Variants in POLE observed in about 807,000 individuals in gnomAD.
POLE encodes the protein DNA polymerase epsilon catalytic subunit A.
Under a neutral mutation model 279.2 loss-of-function variants are expected in POLE, and 188 were observed. The ratio of observed to expected loss-of-function variants is 0.67; its 90% CI spans 0.60 to 0.76. The LOEUF is 0.76. Ranked by LOEUF, POLE falls within the 30% of genes least tolerant of loss-of-function variation. The pLI is 0.00. For missense variants in POLE, 2,703 were observed against 3,016.7 expected (o/e 0.90, Z 2.44); for synonymous variants, 1,214 against 1,172.5 (o/e 1.04, Z -0.72).
rs1487447963 is a variant in POLE at position 132,632,370 on chromosome 12, C to A, written c.6275G>T (p.Gly2092Val). Residue 2092 changes from glycine (G) to valine (V), a missense_variant, in exon 45 of 49, where the codon GGT (glycine) becomes GTT (valine). Coordinates refer to ENST00000320574, the MANE Select transcript of POLE (RefSeq NM_006231.4). ...ELSEMFPVLPGSHLLLNNPAL... is the reference protein window; with the variant it reads ...ELSEMFPVLPVSHLLLNNPAL... ...AGGGTTATTGAGCAGCAAGTGGGAA[C>A]CGGGGAGGACAGGAAACATCTCTGA... 1.2e-6 allele frequency: 2 copies of A among 1,614,188 alleles called. No homozygotes were observed. Among genetic ancestry groups the A allele is most frequent in the South Asian group, 1.1e-5 (1 of 91,086 alleles).
In POLE at chr12:132,626,354, C is replaced by A. The variant is rs539858706; in HGVS notation, c.6331-37G>T. 12 of 1,597,858 alleles carry A rather than the reference C, an allele frequency of 7.5e-6. No homozygotes were observed. The South Asian group carries it at 1.3e-4, about 18-fold the overall frequency. On this transcript the variant is annotated intron_variant, in intron 45 of 48. Transcript: ENST00000320574. ...ACAGCCCACATCGGGAAGGAGCTCC[C>A]GGGGCCTCCCTGCTGCTCTGTCTGG...
Position 132,632,449 on chromosome 12 carries a change from T to G in POLE, c.6196A>C (p.Ile2066Leu). ...ACTTTCTTCTGAATCTTCTGAGTGA[T>G]GGTGAAGAAGCTCTGAGTGAGCTCA... ...ANELTQSFFT[I>L]TQKIQKKVTG... The change falls in exon 45 of 49, where the codon ATC (isoleucine) becomes CTC (leucine). Residue 2066 changes from isoleucine to leucine, a missense_variant. By Grantham distance (5) the Ile-to-Leu change is conservative. This residue lies in a region of POLE where 1,551 missense variants were observed against 1,686.1 expected (regional missense o/e 0.92). Transcript: ENST00000320574. 1.9e-6 allele frequency: 3 copies of G among 1,613,968 alleles called. No homozygotes were observed. Among genetic ancestry groups the G allele is most frequent in the Non-Finnish European group, 2.5e-6 (3 of 1,179,888 alleles).
In POLE at chr12:132,632,779, C is replaced by A. The variant is rs1057522175; in HGVS notation, c.6021G>T (p.Val2007=). 6.2e-7 allele frequency: 1 copy of A among 1,609,646 alleles called. No individual in the cohort carries two copies. The highest frequency in any genetic ancestry group is 8.5e-7 in the Non-Finnish European group (1 of 1,179,696). ...LMIVSAYIVA[V]YHCMKDGLRR... is the part of the protein sequence containing the mutation. ...TCAGCCCGTCCTTCATGCAGTGGTA[C>A]ACGGCCACGATGTACGCTGTGGAGA... is the stretch of plus-strand genomic sequence containing the variant. Residue 2007 remains valine (V), a synonymous_variant, in exon 44 of 49, where the codon GTG becomes GTT. Coordinates refer to ENST00000320574, the MANE Select transcript of POLE (RefSeq NM_006231.4).
At chr12:132,655,805 A>C (rs1213158290) in intron 29 of POLE, among the ~76,000 whole-genome samples, 1 of 152,150 alleles carries the variant, frequency 6.6e-6, no homozygotes, top group Non-Finnish European at 1.5e-5. Context: ...TTTACCTGGT[A>C]TACGTATTTT....
At position 132,657,809 on chromosome 12, in the gene POLE, C is replaced by G. The variant is rs1364260974; in HGVS notation, c.3378+59G>C. On this transcript the variant is annotated intron_variant, in intron 27 of 48. Transcript: ENST00000320574. ...AAACATAATCCAACTCAGACATATT[C>G]TGCTCTGTCTAGCTTTCCTTGTAAA... The G allele has an allele frequency of 1.2e-5, 14 of 1,161,482 alleles. No homozygotes were observed. In the East Asian group the frequency reaches 3.1e-4, roughly 25 times the overall value. The allele number at this position is 1,161,482 out of a possible 1,614,324, so 71.9% of individuals were successfully genotyped here.
At chr12:132,633,441 G>C (rs1025569920) in intron 43 of POLE, 6 of 152,360 alleles carry the variant, frequency 3.9e-5, no homozygotes, top group Middle Eastern at 6.8e-3. Context: ...GGGATTACAG[G>C]CATGAGCCAC....
chr12:132,664,082 A>C lies in POLE; in HGVS notation c.2628T>G (p.Phe876Leu). 6.2e-7 allele frequency: 1 copy of C among 1,614,214 alleles called. No homozygotes were observed. Among genetic ancestry groups the C allele is most frequent in the Non-Finnish European group, 8.5e-7 (1 of 1,180,028 alleles). Reference protein sequence around the residue: ...CVLPNSFPENFVFKTTNVKKP... With the variant: ...CVLPNSFPENLVFKTTNVKKP... The stretch of plus-strand genomic sequence containing the variant: ...TCTTCACATTGGTCGTCTTGAAGAC[A>C]AAATTTTCTGGGAAGCTGTTGGGCA... The change falls in exon 23 of 49, where the codon TTT becomes TTG. Residue 876 changes from phenylalanine (F) to leucine (L), a missense_variant. By Grantham distance (22) the Phe-to-Leu change is conservative. Around this residue, in one of 5 missense-constraint regions of POLE, gnomAD observed 101 missense variants for 115.4 expected, o/e 0.87. Transcript: ENST00000320574. This position sits in a 1 kb window ranked among gnomAD's most constrained non-coding sequence, Gnocchi z 5.3.
chr12:132,663,618 G>A (rs1208747762), intron 23 of POLE, among the ~76,000 whole-genome samples: 1 of 152,230 alleles, frequency 6.6e-6, no homozygotes, highest in African/African-American at 2.4e-5. Flanking sequence ...GGAAATCCAG[G>A]TGAGGCCTGC....
Position 132,680,185 on chromosome 12 carries a change from G to T in POLE, c.323C>A (p.Thr108Asn). Residue 108 changes from threonine (T) to asparagine (N), a missense_variant, in exon 4 of 49, where the codon ACC becomes AAC. By Grantham distance (65) the Thr-to-Asn change is moderately conservative. Coordinates refer to ENST00000320574, the MANE Select transcript of POLE (RefSeq NM_006231.4). ...LPYKPYFYIA[T>N]RKGCEREVSS... The stretch of plus-strand genomic sequence containing the variant: ...TCTATGAAACACACTCACCTTTCTG[G>T]TCGCAATGTAGAAATACGGTTTATA... 1 of 1,614,044 alleles carries T rather than the reference G, an allele frequency of 6.2e-7. No individual in the cohort carries two copies. The highest frequency in any genetic ancestry group is 8.5e-7 in the Non-Finnish European group (1 of 1,179,926).
Position 132,675,394 on chromosome 12 carries a change from C to T in POLE, c.1226+4G>A. On this transcript the variant is annotated splice_donor_region_variant and intron_variant, in intron 12 of 48. Coordinates refer to ENST00000320574, the MANE Select transcript of POLE (RefSeq NM_006231.4). This position sits in a 1 kb window ranked among gnomAD's most constrained non-coding sequence, Gnocchi z 4.3. Reference sequence around the variant, plus strand: ...GAGGAGCCATGCTGCTCTGTGGCCCCTACCTGAGGCAGTCCATGTGGATGC... The same window carrying T: ...GAGGAGCCATGCTGCTCTGTGGCCCTTACCTGAGGCAGTCCATGTGGATGC... The T allele has an allele frequency of 6.2e-7, 1 of 1,613,918 alleles. No homozygotes were observed. Among genetic ancestry groups the T allele is most frequent in the African/African-American group, 1.3e-5 (1 of 75,060 alleles).
At chr12:132,642,088 C>T (rs1044890103) in intron 38 of POLE, 89 bp downstream of exon 38, 1 of 1,229,006 alleles carries the variant, frequency 8.1e-7, no homozygotes, top group African/African-American at 1.5e-5. Context: ...ACTCTGAGCC[C>T]ATCCTCGGCA....
chr12:132,631,839 T>C (rs1231887753), intron 45 of POLE, among the ~76,000 whole-genome samples: 4 of 152,138 alleles, frequency 2.6e-5, no homozygotes, highest in Non-Finnish European at 4.4e-5. Context: ...CCTTTGCGTC[T>C]TCCCTCCTCC....
rs1593715281 is a variant in POLE at position 132,635,898 on chromosome 12, A to G, written c.5805T>C (p.Cys1935=). 1 of 1,612,272 alleles carries G rather than the reference A, an allele frequency of 6.2e-7. No individual in the cohort carries two copies. ...IKGKVSSRIH[C]GLQDSQKAGG... is the part of the protein sequence containing the mutation. ...CACACTGCAGCTCGCTTACCAGTCC[A>G]CAGTGAATACGAGATGAAACTTTTC... The change falls in exon 42 of 49, where the codon TGT becomes TGC. Residue 1935 remains cysteine, a synonymous_variant. Transcript: ENST00000320574.
chr12:132,639,895 C>A lies in POLE; in HGVS notation c.5379-597G>T, dbSNP rs988000142. On this transcript the variant is annotated intron_variant, in intron 39 of 48. Coordinates refer to ENST00000320574, the MANE Select transcript of POLE (RefSeq NM_006231.4). The surrounding 1 kb of genome is among the most constrained non-coding windows in gnomAD (Gnocchi z 4.7). ...CCGGGAGGTGGAGGTTGCAGTGACC[C>A]AAGATGGTGCCACTGCATTCCAGCC... Among the ~76,000 whole-genome samples, 1 of 152,082 alleles carries A rather than the reference C, an allele frequency of 6.6e-6. No individual in the cohort carries two copies. The highest frequency in any genetic ancestry group is 2.4e-5 in the African/African-American group (1 of 41,384).
chr12:132,654,543 T>C (rs2042491720), intron 29 of POLE, among the ~76,000 whole-genome samples: 2 of 152,208 alleles, frequency 1.3e-5, no homozygotes, highest in Non-Finnish European at 2.9e-5. Flanking sequence ...ATATCTATAA[T>C]GATGTCTGTT....
intron 32 of POLE, among the ~76,000 whole-genome samples, chr12:132,647,828 C>T (rs953401915): frequency 2.0e-5 from 3 of 152,144 alleles, no homozygotes; most frequent in Non-Finnish European, 4.4e-5. Flanking sequence ...CCTCTGCGTC[C>T]GCTTTCCTCT....
chr12:132,685,043 T>A lies in POLE; in HGVS notation c.62+2211A>T, dbSNP rs1265207821. Among the ~76,000 whole-genome samples the A allele has an allele frequency of 2.4e-5, 2 of 83,212 alleles. 1 individual carries two copies. 54.6% of individuals were successfully genotyped at this position (83,212 alleles called of 152,430 possible). On this transcript the variant is annotated intron_variant, in intron 1 of 48. Coordinates refer to ENST00000320574, the MANE Select transcript of POLE (RefSeq NM_006231.4). ...ATTGACTGGTTACTGTATCACACAA[T>A]CCCAGTACTCCACAGGCTCTCATTC...
intron 40 of POLE, 198 bp downstream of exon 40, chr12:132,638,927 T>C: frequency 1.7e-6 from 1 of 587,592 alleles, no homozygotes; most frequent in South Asian, 2.1e-5. Context: ...CCACCTAGTG[T>C]TCTCTGCAGG....
intron 32 of POLE, among the ~76,000 whole-genome samples, chr12:132,647,846 C>T (rs911719928): frequency 6.6e-6 from 1 of 152,116 alleles, no homozygotes; most frequent in African/African-American, 2.4e-5. Context: ...TCTTGTTATC[C>T]GCCCACCTCG....
Sources: allele counts gnomAD v4.1 joint callset (sites outside exome capture counted in the v4.1 genomes callset), GRCh38; gene constraint gnomAD v4.1.1; regional missense constraint gnomAD v4.1.1; non-coding constraint Gnocchi (gnomAD v3.1); transcripts MANE v1.5; gene names NCBI Gene and HGNC (gene_info 2026-07-23, HGNC 2026-07-21).